TMTC2: variants seen among roughly 807,000 people sequenced by gnomAD.
TMTC2 encodes the protein transmembrane O-mannosyltransferase targeting cadherins 2, also known as protein O-mannosyl-transferase TMTC2.
In TMTC2, 43 loss-of-function variants were observed where a neutral mutation model predicts 82.4. The observed-to-expected ratio is 0.52, with a 90% confidence interval of 0.41 to 0.67. TMTC2 has a LOEUF of 0.67. Ranked by LOEUF, TMTC2 falls within the 30% of genes least tolerant of loss-of-function variation. TMTC2 has a pLI of 0.00. For synonymous variants in TMTC2, 408 were observed against 381.9 expected, an observed-to-expected ratio of 1.07 and a Z score of -0.80; for missense variants, 919 against 1,012.4, an observed-to-expected ratio of 0.91 and a Z score of 1.25.
intron 1 of TMTC2, among the ~76,000 whole-genome samples, chr12:82,714,714 A>T (rs986790208): frequency 3.9e-5 from 6 of 152,038 alleles, no homozygotes; most frequent in African/African-American, 1.4e-4. Flanking sequence ...AATTTTTTTT[A>T]AAAGGATAAT....
intron 1 of TMTC2, among the ~76,000 whole-genome samples, chr12:82,717,275 A>G (rs936921274): frequency 3.4e-5 from 5 of 148,346 alleles, no homozygotes; most frequent in Non-Finnish European, 7.4e-5. Context: ...CCCAGGCTGT[A>G]GTGCAATGGC....
intron 1 of TMTC2, among the ~76,000 whole-genome samples, chr12:82,731,024 G>A (rs1292083513): frequency 6.6e-6 from 1 of 152,100 alleles, no homozygotes; most frequent in Non-Finnish European, 1.5e-5. Context: ...TATTTTAAAT[G>A]CATCTGTAGC....
intron 3 of TMTC2, among the ~76,000 whole-genome samples, chr12:82,910,703 T>C (rs1592620548): frequency 6.6e-6 from 1 of 152,126 alleles, no homozygotes. Flanking sequence ...CTCCCCAGCC[T>C]GGGCTCTCCT....
intron 11 of TMTC2, among the ~76,000 whole-genome samples, chr12:83,110,634 G>T (rs2137545561): frequency 6.6e-6 from 1 of 152,296 alleles, no homozygotes; most frequent in African/African-American, 2.4e-5. Flanking sequence ...TGACACAGAG[G>T]ATTACTCATT....
intron 7 of TMTC2, among the ~76,000 whole-genome samples, chr12:82,977,408 G>C (rs956760920): frequency 2.6e-5 from 4 of 151,684 alleles, no homozygotes; most frequent in African/African-American, 9.7e-5. Context: ...CAGACCAATA[G>C]GACAAAGTGG....
At chr12:82,894,229 G>T (rs61931367) in intron 2 of TMTC2, among the ~76,000 whole-genome samples, 13,661 of 151,988 alleles carry the variant, frequency 0.09, 774 homozygotes, top group Non-Finnish European at 0.12. Flanking sequence ...GGTGAGGGAG[G>T]GTGAAGGTAC....
chr12:83,004,721 AATTTTTTTTTTTTTTTTTTTTTT>A (rs1470469493), intron 8 of TMTC2, among the ~76,000 whole-genome samples: 2 of 65,072 alleles, frequency 3.1e-5, no homozygotes, highest in Non-Finnish European at 6.6e-5. Context: ...ATACTGGCCG[AATTTTTTTTTTTTTTTTTTTTTT>A]TTTTTTTTTT....
At chr12:82,891,060 A>C (rs1873369590) in intron 2 of TMTC2, among the ~76,000 whole-genome samples, 1 of 152,148 alleles carries the variant, frequency 6.6e-6, no homozygotes, top group Non-Finnish European at 1.5e-5. Flanking sequence ...TGTTACACCA[A>C]ACTGCGGATA....
chr12:82,740,247 A>G (rs759489882), intron 1 of TMTC2, among the ~76,000 whole-genome samples: 9 of 152,196 alleles, frequency 5.9e-5, no homozygotes, highest in African/African-American at 9.6e-5. Flanking sequence ...GGGAATCTGC[A>G]TTCTGGAAAA....
rs191022515 is a variant in TMTC2, at chr12:83,098,705, G to T, written c.2332-33505G>T. ...CTCTTAAGCAAGCTCGAGCAAGGGG[G>T]ACCCGACCCCCACCTTCATGCCCAT... On this transcript the variant is annotated intron_variant, in intron 11 of 11. Coordinates refer to ENST00000321196, the MANE Select transcript of TMTC2 (RefSeq NM_152588.3). 3.0e-4 allele frequency among the ~76,000 whole-genome samples: 46 copies of T among 152,272 alleles called. No individual in the cohort carries two copies. The East Asian group carries it at 8.9e-3, about 29-fold the overall frequency.
At chr12:83,067,803 A>G (rs1378444220) in intron 11 of TMTC2, among the ~76,000 whole-genome samples, 1 of 152,012 alleles carries the variant, frequency 6.6e-6, no homozygotes, top group Non-Finnish European at 1.5e-5. Flanking sequence ...CAGCTCTCTG[A>G]TTTATATGCT....
chr12:83,033,398 T>A (rs1423044335), intron 9 of TMTC2, among the ~76,000 whole-genome samples: 5 of 152,220 alleles, frequency 3.3e-5, no homozygotes, highest in Non-Finnish European at 2.9e-5. Context: ...GTTGACTTGC[T>A]CAAGTTAATT....
In TMTC2 at chr12:82,846,363, TA is replaced by T. The variant is rs1235006803; in HGVS notation, c.84-10639del. On this transcript the variant is annotated intron_variant, in intron 1 of 11. Transcript: ENST00000321196. ...ACAGAACGAGACTCTGTCTTTTTTT[TA>T]AAAAAAACGAAAAACAGGAAAGATT... Among the ~76,000 whole-genome samples the T allele has an allele frequency of 3.3e-5, 5 of 151,336 alleles. No individual in the cohort carries two copies. The South Asian group carries it at 8.4e-4, about 25-fold the overall frequency.
intron 11 of TMTC2, among the ~76,000 whole-genome samples, chr12:83,106,500 CAAAAAAAAAAA>C (rs769681273): frequency 1.7e-5 from 1 of 58,590 alleles, no homozygotes; most frequent in Non-Finnish European, 3.6e-5. Flanking sequence ...ACTCTGTCTC[CAAAAAAAAAAA>C]AAAAAAAAAT....
chr12:82,904,562 TAG>T (rs1359427400), intron 3 of TMTC2, among the ~76,000 whole-genome samples: 7 of 152,196 alleles, frequency 4.6e-5, no homozygotes, highest in Non-Finnish European at 7.3e-5. Flanking sequence ...ATACTAGACA[TAG>T]TTGATTACTG....
intron 1 of TMTC2, among the ~76,000 whole-genome samples, chr12:82,787,408 A>G (rs1878228040): frequency 6.6e-6 from 1 of 152,154 alleles, no homozygotes; most frequent in Non-Finnish European, 1.5e-5. Flanking sequence ...AAAGGATTTG[A>G]AAAAAATACA....
chr12:83,128,286 T>G (rs547621657), intron 11 of TMTC2, among the ~76,000 whole-genome samples: 2 of 152,258 alleles, frequency 1.3e-5, no homozygotes, highest in Non-Finnish European at 1.5e-5. Context: ...CATTTCAGTA[T>G]TAGAGTTAGG....
chr12:82,865,986 A>G (rs1871829309), intron 2 of TMTC2, among the ~76,000 whole-genome samples: 1 of 152,226 alleles, frequency 6.6e-6, no homozygotes, highest in Non-Finnish European at 1.5e-5. Flanking sequence ...ACAGCATACC[A>G]GAATCTCTGG....
chr12:82,933,246 A>G (rs746027610), intron 4 of TMTC2, among the ~76,000 whole-genome samples: 3 of 152,202 alleles, frequency 2.0e-5, no homozygotes, highest in African/African-American at 4.8e-5. Flanking sequence ...CAATAATTCT[A>G]TTTTAAAATA....
Sources: allele counts gnomAD v4.1 joint callset (sites outside exome capture counted in the v4.1 genomes callset), GRCh38; gene constraint gnomAD v4.1.1; transcripts MANE v1.5; gene names NCBI Gene and HGNC (gene_info 2026-07-23, HGNC 2026-07-21).